The following FBXO22 variants were observed in gnomAD, a reference collection of about 807,000 sequenced individuals.
FBXO22 encodes F-box protein 22, also known as F-box only protein 22.
FBXO22 carries 13 observed loss-of-function variants against 37.2 expected under a neutral mutation model. The observed-to-expected ratio is 0.35, with a 90% CI of 0.23 to 0.56. The LOEUF (loss-of-function observed/expected upper bound fraction) is 0.56, where lower values mean the gene tolerates loss of function less well. FBXO22 is among the 20% of genes least tolerant of loss of function. FBXO22 has a pLI of 0.87. For synonymous variants in FBXO22, 189 were observed against 189.1 expected, an observed-to-expected ratio of 1.00 and a Z score of 0.00; for missense variants, 446 against 509.9, an observed-to-expected ratio of 0.87 and a Z score of 1.21.
At position 75,930,260 on chromosome 15, in the gene FBXO22, A is replaced by G. The variant is rs1369917471; in HGVS notation, c.794+211A>G. The stretch of plus-strand genomic sequence containing the variant: ...ACATTTTTATATATATTGTCCTTCA[A>G]GAACTTCCTTGAGTCACATTCTCCT... On this transcript the variant is annotated intron_variant, in intron 6 of 6. Transcript: ENST00000308275. The G allele has an allele frequency of 4.9e-6, 7 of 1,421,416 alleles. No individual in the cohort carries two copies. In the South Asian group the frequency reaches 9.4e-5, roughly 19 times the overall value. 88.1% of individuals were successfully genotyped at this position (1,421,416 alleles called of 1,614,324 possible). A position where few individuals can be genotyped will look rare whatever the true frequency, so the allele number is the denominator to read the frequency against.
At chr15:75,911,777 C>T (rs1424530381) in intron 2 of FBXO22, among the ~76,000 whole-genome samples, 2 of 151,202 alleles carry the variant, frequency 1.3e-5, no homozygotes, top group Non-Finnish European at 2.9e-5. Context: ...CTTGATTGGC[C>T]TGGCCAGAAC....
rs142812746 is a variant in FBXO22, at chr15:75,941,960, A to AAACAC, written c.*8859_*8860insACACA. 2.1e-5 allele frequency: 2 copies of AAACAC among 93,766 alleles called. No homozygotes were observed. The highest frequency in any genetic ancestry group is 7.8e-5 in the African/African-American group (2 of 25,782). The allele number at this position is 93,766 out of a possible 1,614,324, so 5.8% of individuals were successfully genotyped here. A position where few individuals can be genotyped will look rare whatever the true frequency, so the allele number is the denominator to read the frequency against. ...ACCACCAAAAAAAAAAAAAAAAAAA[A>AAACAC]ATATGGCCTAGCTTTTTTTTTTTTT... On this transcript the variant is annotated 3_prime_UTR_variant, in exon 7 of 7. Transcript: ENST00000308275.
chr15:75,904,222 G>A, intron 1 of FBXO22, 119 bp downstream of exon 1: 1 of 1,361,128 alleles, frequency 7.3e-7, no homozygotes, highest in South Asian at 1.5e-5. Flanking sequence ...CGGCTCGCTC[G>A]CCCTACCTGA....
chr15:75,914,215 A>G lies in FBXO22; in HGVS notation c.463+10A>G. The G allele has an allele frequency of 6.3e-7, 1 of 1,592,508 alleles. No homozygotes were observed. The highest frequency in any genetic ancestry group is 8.6e-7 in the Non-Finnish European group (1 of 1,162,352). On this transcript the variant is annotated intron_variant, in intron 4 of 6. Transcript: ENST00000308275. ...ACCCCAGGAATTGTAGGTGAGATAAATTAGCAACTTGATGATTTCTTCCTT... is the reference window on the plus strand; with the variant it reads ...ACCCCAGGAATTGTAGGTGAGATAAGTTAGCAACTTGATGATTTCTTCCTT...
intron 5 of FBXO22, among the ~76,000 whole-genome samples, chr15:75,921,023 C>T (rs335694): frequency 0.9 from 137,313 of 152,178 alleles, 63,058 homozygotes; most frequent in East Asian, 1. Flanking sequence ...CTTACACAGA[C>T]CTAGATGTTA....
intron 2 of FBXO22, among the ~76,000 whole-genome samples, chr15:75,906,570 T>C (rs1444665050): frequency 6.6e-6 from 1 of 152,166 alleles, no homozygotes; most frequent in African/African-American, 2.4e-5. Flanking sequence ...CTGGTTCTCA[T>C]CATTCTTAAT....
At chr15:75,911,650 T>G (rs1900054544) in intron 2 of FBXO22, among the ~76,000 whole-genome samples, 1 of 152,112 alleles carries the variant, frequency 6.6e-6, no homozygotes, top group Non-Finnish European at 1.5e-5. Context: ...CTTATCAGCT[T>G]AAGGAGATTT....
chr15:75,904,066 A>G lies in FBXO22; in HGVS notation c.103A>G (p.Thr35Ala). The change falls in exon 1 of 7, where the codon ACC (threonine) becomes GCC (alanine). Residue 35 changes from threonine (T) to alanine (A), a missense_variant. Around this residue, in one of 2 missense-constraint regions of FBXO22, gnomAD observed 131 missense variants for 99.8 expected, o/e 1.31. Coordinates refer to ENST00000308275, the MANE Select transcript of FBXO22 (RefSeq NM_147188.3). ...NLAEVVERVL[T>A]FLPAKALLRV... ...GGCGGAGGTGGTGGAGCGTGTGCTC[A>G]CCTTCCTGCCCGCCAAGGCGTTGCT... is the stretch of plus-strand genomic sequence containing the variant. The G allele has an allele frequency of 1.3e-6, 2 of 1,552,730 alleles. No homozygotes were observed. The highest frequency in any genetic ancestry group is 1.7e-6 in the Non-Finnish European group (2 of 1,147,216).
rs539858756 is a variant in FBXO22 at position 75,904,302 on chromosome 15, T to C, written c.141-189T>C. On this transcript the variant is annotated intron_variant, in intron 1 of 6. Coordinates refer to ENST00000308275, the MANE Select transcript of FBXO22 (RefSeq NM_147188.3). ...GGGGGACTTCCCTGAGGGGCGAAGT[T>C]CCCCTTAAGGTTTTCTCCATATCTG... 2,420 of 1,084,290 alleles carry C rather than the reference T, an allele frequency of 2.2e-3. 20 individuals carry two copies. The highest frequency in any genetic ancestry group is 2.4e-3 in the Non-Finnish European group (1,816 of 769,672). 67.2% of individuals were successfully genotyped at this position (1,084,290 alleles called of 1,614,324 possible).
intron 2 of FBXO22, among the ~76,000 whole-genome samples, chr15:75,907,724 C>T (rs558549811): frequency 3.3e-5 from 5 of 151,804 alleles, no homozygotes; most frequent in East Asian, 1.9e-4. Context: ...GGTGAAACCC[C>T]GTCTCCACTA....
intron 5 of FBXO22, among the ~76,000 whole-genome samples, chr15:75,928,602 A>G: frequency 6.6e-6 from 1 of 152,172 alleles, no homozygotes; most frequent in Middle Eastern, 3.2e-3. Flanking sequence ...GGTGTGAGGA[A>G]GGAGAGGATC....
At position 75,936,851 on chromosome 15, in the gene FBXO22, G is replaced by T. The variant is rs1192501045; in HGVS notation, c.*3749G>T. The T allele has an allele frequency of 6.6e-6, 1 of 152,200 alleles. No homozygotes were observed. The highest frequency in any genetic ancestry group is 1.5e-5 in the Non-Finnish European group (1 of 68,060). The allele number at this position is 152,200 out of a possible 1,614,324, so 9.4% of individuals were successfully genotyped here. On this transcript the variant is annotated 3_prime_UTR_variant, in exon 7 of 7. Coordinates refer to ENST00000308275, the MANE Select transcript of FBXO22 (RefSeq NM_147188.3). ...GCCTCCCAAAGTGCTGGGATTACAGGCGTGAGCCACCGTGCCCAGCTGGAA... is the reference window on the plus strand; with the variant it reads ...GCCTCCCAAAGTGCTGGGATTACAGTCGTGAGCCACCGTGCCCAGCTGGAA...
At position 75,913,309 on chromosome 15, in the gene FBXO22, G is replaced by GCC; in HGVS notation, c.367+20_367+21insCC. 1 of 1,532,538 alleles carries GCC rather than the reference G, an allele frequency of 6.5e-7. No homozygotes were observed. The highest frequency in any genetic ancestry group is 2.3e-5 in the East Asian group (1 of 44,276). The allele number at this position is 1,532,538 out of a possible 1,614,324, so 94.9% of individuals were successfully genotyped here. Reference sequence around the variant, plus strand: ...AAGAGAGGTAAATATCAAAAGAAAAGCTTTTGCTTCTGTTTTTTTATCATG... The same window carrying GCC: ...AAGAGAGGTAAATATCAAAAGAAAAGCCCTTTTGCTTCTGTTTTTTTATCATG... On this transcript the variant is annotated intron_variant, in intron 3 of 6. Coordinates refer to ENST00000308275, the MANE Select transcript of FBXO22 (RefSeq NM_147188.3).
Position 75,916,307 on chromosome 15 carries a change from G to A in FBXO22, c.464-923G>A, listed in dbSNP as rs559866219. On this transcript the variant is annotated intron_variant, in intron 4 of 6. Transcript: ENST00000308275. Reference sequence around the variant, plus strand: ...ACCATAACAAAATACCACAGACTGGGTGACTTAAACAACGGAAGCTTATTT... The same window carrying A: ...ACCATAACAAAATACCACAGACTGGATGACTTAAACAACGGAAGCTTATTT... Among the ~76,000 whole-genome samples the A allele has an allele frequency of 5.3e-5, 8 of 152,238 alleles. No individual in the cohort carries two copies. In the East Asian group the frequency reaches 1.5e-3, roughly 29 times the overall value.
At chr15:75,926,463 G>T (rs187501194) in intron 5 of FBXO22, among the ~76,000 whole-genome samples, 1 of 152,342 alleles carries the variant, frequency 6.6e-6, no homozygotes, top group East Asian at 1.9e-4. Context: ...TTAAGTTGGG[G>T]TAGGGGAAAG....
At position 75,925,608 on chromosome 15, in the gene FBXO22, A is replaced by T. The variant is rs1900421402; in HGVS notation, c.629-4276A>T. ...GAGAATCAGTGCTGAAGCTCAAGGG[A>T]TTGAACTTGTTCTGCCTTCGAAGTT... On this transcript the variant is annotated intron_variant, in intron 5 of 6. Coordinates refer to ENST00000308275, the MANE Select transcript of FBXO22 (RefSeq NM_147188.3). 2.0e-5 allele frequency among the ~76,000 whole-genome samples: 3 copies of T among 148,522 alleles called. No homozygotes were observed. In the South Asian group the frequency reaches 7.0e-4, roughly 35 times the overall value.
At chr15:75,929,514 G>GT (rs35139316) in intron 5 of FBXO22, among the ~76,000 whole-genome samples, 33,944 of 142,480 alleles carry the variant, frequency 0.24, 4,598 homozygotes, top group Non-Finnish European at 0.32. Flanking sequence ...GTAAACCAGT[G>GT]TTTTTTTTTT....
rs4886466 is a variant in FBXO22, at chr15:75,907,963, A to T, written c.279+3334A>T. Reference sequence around the variant, plus strand: ...TGTCTCAAAAAAAAAAAATTTTTTTAAAGTCCACCAAAAGCTTTATAAAAC... The same window carrying T: ...TGTCTCAAAAAAAAAAAATTTTTTTTAAGTCCACCAAAAGCTTTATAAAAC... On this transcript the variant is annotated intron_variant, in intron 2 of 6. Coordinates refer to ENST00000308275, the MANE Select transcript of FBXO22 (RefSeq NM_147188.3). Among the ~76,000 whole-genome samples, 652 of 151,840 alleles carry T rather than the reference A, an allele frequency of 4.3e-3. 14 individuals carry two copies. The highest frequency in any genetic ancestry group is 0.015 in the African/African-American group (612 of 41,420).
intron 4 of FBXO22, among the ~76,000 whole-genome samples, chr15:75,916,576 G>A (rs1317370591): frequency 1.3e-5 from 2 of 152,100 alleles, no homozygotes; most frequent in African/African-American, 4.8e-5. Context: ...GGGGGGTTAG[G>A]GCTTAAACAT....
Sources: gnomAD v4.1 joint callset for allele counts (sites outside exome capture counted in the v4.1 genomes callset) on GRCh38, gnomAD v4.1.1 for gene constraint, gnomAD v4.1.1 regional missense constraint, MANE v1.5 for transcripts, NCBI Gene and HGNC (gene_info 2026-07-23, HGNC 2026-07-21) for gene names.